Variants in RTN4 observed in about 807,000 individuals in gnomAD.
The protein encoded by RTN4 is reticulon-4.
In RTN4, 32 loss-of-function variants were observed where a neutral mutation model predicts 90.4. That is an observed-to-expected ratio of 0.35 (90% CI 0.27 to 0.48). The LOEUF (loss-of-function observed/expected upper bound fraction) is 0.48, where lower values mean the gene tolerates loss of function less well. RTN4 is among the 20% of genes least tolerant of loss of function. The probability of loss-of-function intolerance (pLI) is 0.99; values close to 1 mark genes in which losing one functional copy is unlikely to be tolerated. For missense variants in RTN4, 1,706 were observed against 1,430.2 expected, an observed-to-expected ratio of 1.19 and a Z score of -3.11; for synonymous variants, 629 against 552.5, an observed-to-expected ratio of 1.14 and a Z score of -1.94.
At chr2:55,021,945 A>G (rs973971020) in intron 3 of RTN4, among the ~76,000 whole-genome samples, 1 of 152,204 alleles carries the variant, frequency 6.6e-6, no homozygotes, top group Non-Finnish European at 1.5e-5. Flanking sequence ...GGAAATAACA[A>G]TTTTCTCAGA....
chr2:54,998,632 G>A (rs1679629973), intron 3 of RTN4, among the ~76,000 whole-genome samples: 1 of 152,146 alleles, frequency 6.6e-6, no homozygotes, highest in African/African-American at 2.4e-5. Context: ...CTGGAAAACT[G>A]ATAAATGCCT....
At chr2:55,106,098 G>A (rs1050197728) in intron 1 of RTN4, among the ~76,000 whole-genome samples, 5 of 152,146 alleles carry the variant, frequency 3.3e-5, no homozygotes, top group African/African-American at 1.2e-4. Flanking sequence ...CTATTTGGGG[G>A]GTTGTACTTT....
chr2:55,044,554 G>C (rs986831318), intron 1 of RTN4, among the ~76,000 whole-genome samples: 2 of 152,000 alleles, frequency 1.3e-5, no homozygotes, highest in African/African-American at 4.8e-5. Flanking sequence ...TTGGTTTTTA[G>C]ATTTTTAAAA....
At position 55,027,599 on chromosome 2, in the gene RTN4, A is replaced by G. The variant is rs934399337; in HGVS notation, c.614-114T>C. The G allele has an allele frequency of 3.9e-6, 4 of 1,021,018 alleles. No homozygotes were observed. In the African/African-American group the frequency reaches 4.8e-5, roughly 12 times the overall value. 63.2% of individuals were successfully genotyped at this position (1,021,018 alleles called of 1,614,324 possible). On this transcript the variant is annotated intron_variant, in intron 2 of 8. Transcript: ENST00000337526. ...TAAAGACTTACTGTTTACTAAAATG[A>G]AATGTTAATAGCAATTAATAAGTAA...
chr2:55,071,330 C>T (rs1173439433), intron 2 of RTN4, among the ~76,000 whole-genome samples: 5 of 151,872 alleles, frequency 3.3e-5, no homozygotes, highest in Non-Finnish European at 5.9e-5. Flanking sequence ...ACCTTCCCTA[C>T]CTTCTGTACG....
intron 1 of RTN4, among the ~76,000 whole-genome samples, chr2:55,083,915 C>A (rs187572875): frequency 1.2e-4 from 18 of 152,300 alleles, no homozygotes; most frequent in Non-Finnish European, 2.5e-4. Context: ...TGGTCTTTGA[C>A]CCTGGTTCCT....
At chr2:55,010,255 C>T in intron 3 of RTN4, 1 of 1,533,224 alleles carries the variant, frequency 6.5e-7, no homozygotes, top group Non-Finnish European at 8.7e-7. Flanking sequence ...TCCTCTGCTG[C>T]ACAACTGCAG....
chr2:55,094,595 A>G (rs1313896124), intron 1 of RTN4, among the ~76,000 whole-genome samples: 1 of 152,222 alleles, frequency 6.6e-6, no homozygotes, highest in East Asian at 1.9e-4. Context: ...GATAAGAGCC[A>G]TGAACAAAAC....
At chr2:55,033,457 A>G (rs1015566978) in intron 1 of RTN4, among the ~76,000 whole-genome samples, 8 of 152,206 alleles carry the variant, frequency 5.3e-5, no homozygotes, top group African/African-American at 1.9e-4. Flanking sequence ...TGAGCAGAGC[A>G]GGCAAACCAG....
the RTN4 span, among the ~76,000 whole-genome samples, chr2:55,126,699 G>C: frequency 6.6e-6 from 1 of 152,164 alleles, no homozygotes; most frequent in Non-Finnish European, 1.5e-5. Context: ...GAATATAAAC[G>C]ATTCTATCAT....
chr2:55,001,585 T>C (rs74758880), intron 3 of RTN4, among the ~76,000 whole-genome samples: 10,006 of 152,246 alleles, frequency 0.066, 1,020 homozygotes, highest in African/African-American at 0.22. Flanking sequence ...CCTAAATGTC[T>C]TGTCAGATAA....
chr2:54,988,728 A>G (rs1025889693), intron 3 of RTN4, among the ~76,000 whole-genome samples: 1 of 152,250 alleles, frequency 6.6e-6, no homozygotes, highest in Non-Finnish European at 1.5e-5. Context: ...AAGAAAAAAG[A>G]AAAGTAAATG....
At chr2:55,108,699 G>T (rs1315406195) in intron 1 of RTN4, among the ~76,000 whole-genome samples, 1 of 152,042 alleles carries the variant, frequency 6.6e-6, no homozygotes, top group Non-Finnish European at 1.5e-5. Flanking sequence ...TTCCCATAAA[G>T]AAATAAATAT....
At chr2:55,002,930 T>G (rs1221668255) in intron 3 of RTN4, among the ~76,000 whole-genome samples, 2 of 152,212 alleles carry the variant, frequency 1.3e-5, no homozygotes, top group Non-Finnish European at 2.9e-5. Flanking sequence ...GAAAATAAAC[T>G]GGTTCAATGT....
intron 2 of RTN4, among the ~76,000 whole-genome samples, chr2:55,063,315 T>G (rs1448857805): frequency 1.3e-5 from 2 of 152,218 alleles, no homozygotes; most frequent in African/African-American, 4.8e-5. Flanking sequence ...GAGAGTAGAA[T>G]GCTGAGAAGC....
chr2:55,052,834 C>T (rs1230854803), upstream of RTN4, among the ~76,000 whole-genome samples: 2 of 152,208 alleles, frequency 1.3e-5, no homozygotes, highest in African/African-American at 2.4e-5. Context: ...GCTTTTCCCA[C>T]TATGACTGTT....
upstream of RTN4, among the ~76,000 whole-genome samples, chr2:55,052,301 G>T (rs1383332100): frequency 1.3e-5 from 2 of 152,168 alleles, no homozygotes; most frequent in East Asian, 3.8e-4. Context: ...AGGAAACTGT[G>T]GTTAGGGGGC....
the RTN4 span, among the ~76,000 whole-genome samples, chr2:55,122,626 T>C: frequency 1.3e-5 from 2 of 152,214 alleles, no homozygotes; most frequent in Non-Finnish European, 2.9e-5. Flanking sequence ...GGGTCAGTCC[T>C]ATGGGCACAA....
At chr2:55,008,544 A>C (rs989678990) in intron 3 of RTN4, among the ~76,000 whole-genome samples, 6 of 152,180 alleles carry the variant, frequency 3.9e-5, no homozygotes, top group African/African-American at 1.4e-4. Flanking sequence ...GTACTAAAAA[A>C]TATTAGGCCA....
Sources: gnomAD v4.1 joint callset for allele counts (sites outside exome capture counted in the v4.1 genomes callset) on GRCh38, gnomAD v4.1.1 for gene constraint, MANE v1.5 for transcripts, NCBI Gene and HGNC (gene_info 2026-07-23, HGNC 2026-07-21) for gene names.